Variants in RORB observed in about 807,000 individuals in gnomAD.
RORB encodes RAR related orphan receptor B, also known as nuclear receptor ROR-beta.
A neutral mutation model predicts 59.1 loss-of-function variants in RORB; 6 were observed. The ratio of observed to expected loss-of-function variants is 0.10; its 90% confidence interval spans 0.06 to 0.20. The LOEUF (loss-of-function observed/expected upper bound fraction) is 0.20, where lower values mean the gene tolerates loss of function less well. Ranked by LOEUF, RORB falls within the 10% of genes least tolerant of loss-of-function variation. The pLI, the probability that RORB is intolerant of heterozygous loss-of-function variation, is 1.00. For missense variants in RORB, 320 were observed against 560.5 expected (o/e 0.57, Z 4.33); for synonymous variants, 215 against 204.5 (o/e 1.05, Z -0.44).
At chr9:74,523,004 T>G (rs777004109) in intron 1 of RORB, among the ~76,000 whole-genome samples, 1 of 151,900 alleles carries the variant, frequency 6.6e-6, no homozygotes, top group Non-Finnish European at 1.5e-5. Context: ...TAACAAGCAG[T>G]AAACATTTGG....
At chr9:74,523,926 A>G (rs1361515616) in intron 1 of RORB, among the ~76,000 whole-genome samples, 1 of 150,758 alleles carries the variant, frequency 6.6e-6, no homozygotes, top group Non-Finnish European at 1.5e-5. Context: ...GAATGAGTCA[A>G]TGGCACACCA....
intron 1 of RORB, among the ~76,000 whole-genome samples, chr9:74,569,685 A>G (rs888152969): frequency 3.3e-4 from 50 of 152,220 alleles, no homozygotes; most frequent in African/African-American, 1.1e-3. Context: ...AATCTACAAA[A>G]TTAAAAAATT....
At chr9:74,641,989 A>G (rs940358387) in intron 3 of RORB, among the ~76,000 whole-genome samples, 4 of 152,218 alleles carry the variant, frequency 2.6e-5, no homozygotes, top group African/African-American at 7.2e-5. Flanking sequence ...ACTAGGGTCC[A>G]ATCTGGCAAT....
chr9:74,622,420 T>C (rs1823437169), intron 1 of RORB, among the ~76,000 whole-genome samples: 1 of 151,966 alleles, frequency 6.6e-6, no homozygotes, highest in Non-Finnish European at 1.5e-5. Context: ...GGAATGGAGA[T>C]CCTGAGGGGT....
chr9:74,549,647 AAGAG>A (rs928069265), intron 1 of RORB, among the ~76,000 whole-genome samples: 4 of 150,666 alleles, frequency 2.7e-5, no homozygotes, highest in South Asian at 2.1e-4. Flanking sequence ...GAAAGAAAGA[AAGAG>A]AGAAGAGACT....
At chr9:74,595,984 A>G (rs1169346887) in intron 1 of RORB, among the ~76,000 whole-genome samples, 1 of 152,198 alleles carries the variant, frequency 6.6e-6, no homozygotes, top group South Asian at 2.1e-4. Context: ...CTCATGATCA[A>G]ATATGATTTG....
chr9:74,668,010 A>G (rs1824294352), intron 8 of RORB, 109 bp downstream of exon 8: 1 of 678,602 alleles, frequency 1.5e-6, no homozygotes, highest in Non-Finnish European at 2.6e-6. Context: ...TAACAGAGCT[A>G]TATTTTCTTT....
intron 1 of RORB, among the ~76,000 whole-genome samples, chr9:74,550,266 T>C (rs1468468027): frequency 6.6e-6 from 1 of 152,220 alleles, no homozygotes; most frequent in Non-Finnish European, 1.5e-5. Context: ...TTAAAGTCAC[T>C]TGCAAATACC....
At chr9:74,580,155 C>G (rs1822700073) in intron 1 of RORB, among the ~76,000 whole-genome samples, 1 of 151,960 alleles carries the variant, frequency 6.6e-6, no homozygotes, top group South Asian at 2.1e-4. Flanking sequence ...AAGACCATAT[C>G]CCGTTTGAAT....
At chr9:74,648,292 T>C (rs1220533687) in intron 4 of RORB, among the ~76,000 whole-genome samples, 2 of 152,308 alleles carry the variant, frequency 1.3e-5, no homozygotes, top group East Asian at 1.9e-4. Context: ...GGAAAGTACA[T>C]TGAGATTGGG....
intron 1 of RORB, among the ~76,000 whole-genome samples, chr9:74,618,911 T>A (rs1036531083): frequency 1.2e-4 from 19 of 152,294 alleles, no homozygotes; most frequent in African/African-American, 4.6e-4. Flanking sequence ...TGGAAAATAA[T>A]GCAATATAGG....
At chr9:74,604,708 T>A (rs60613653) in intron 1 of RORB, among the ~76,000 whole-genome samples, 1 of 152,142 alleles carries the variant, frequency 6.6e-6, no homozygotes, top group Non-Finnish European at 1.5e-5. Context: ...CAGGAAAAAA[T>A]AAATTGTTTA....
intron 1 of RORB, among the ~76,000 whole-genome samples, chr9:74,571,240 A>T (rs1476928629): frequency 1.3e-5 from 2 of 152,102 alleles, no homozygotes; most frequent in African/African-American, 4.8e-5. Context: ...TGAAACAAAA[A>T]ATTTCACCTA....
chr9:74,648,495 A>C (rs1823937206), intron 4 of RORB, among the ~76,000 whole-genome samples: 1 of 152,186 alleles, frequency 6.6e-6, no homozygotes, highest in African/African-American at 2.4e-5. Context: ...TCACACAGAT[A>C]AGAGTAGGGT....
intron 1 of RORB, among the ~76,000 whole-genome samples, chr9:74,618,022 A>G (rs1004134332): frequency 6.6e-6 from 1 of 152,224 alleles, no homozygotes; most frequent in African/African-American, 2.4e-5. Flanking sequence ...CATAAATTAT[A>G]TAACAACGTA....
rs543294448 is a variant in RORB, at chr9:74,600,573, C to A, written c.8-29709C>A. Among the ~76,000 whole-genome samples the A allele has an allele frequency of 1.1e-3, 174 of 152,318 alleles. 1 individual carries two copies. The highest frequency in any genetic ancestry group is 1.6e-3 in the Non-Finnish European group (106 of 68,026). ...TCATTTCAGATCTTCCTCTGAGCCA[C>A]AGCTGGTCCCAACTTAAACTACTGA... On this transcript the variant is annotated intron_variant, in intron 1 of 9. Transcript: ENST00000376896.
intron 1 of RORB, 162 bp downstream of exon 1, chr9:74,498,145 A>T: frequency 1.2e-6 from 1 of 804,280 alleles, no homozygotes; most frequent in Admixed American, 2.3e-5. Context: ...GCCTGGGCGT[A>T]GAAAGTTGCG....
At chr9:74,635,167 G>A (rs1482086653) in intron 3 of RORB, among the ~76,000 whole-genome samples, 1 of 152,178 alleles carries the variant, frequency 6.6e-6, no homozygotes, top group African/African-American at 2.4e-5. Flanking sequence ...GGGCAGGTCT[G>A]ACTGGGCTTG....
intron 4 of RORB, among the ~76,000 whole-genome samples, chr9:74,643,206 G>A (rs1187373898): frequency 1.3e-5 from 2 of 152,138 alleles, no homozygotes; most frequent in African/African-American, 4.8e-5. Flanking sequence ...ATAACCAAAC[G>A]AACAGGGGCC....
Sources: allele counts gnomAD v4.1 joint callset (sites outside exome capture counted in the v4.1 genomes callset), GRCh38; gene constraint gnomAD v4.1.1; transcripts MANE v1.5; gene names NCBI Gene and HGNC (gene_info 2026-07-23, HGNC 2026-07-21).